LONRF2: variants seen among roughly 807,000 people sequenced by gnomAD.
LONRF2 encodes the protein LON peptidase N-terminal domain and RING finger protein 2.
Under a neutral mutation model 66.6 loss-of-function variants are expected in LONRF2, and 35 were observed. That is an observed-to-expected ratio of 0.53 (90% CI 0.40 to 0.70). The LOEUF (loss-of-function observed/expected upper bound fraction) is 0.70. Ranked by LOEUF, LONRF2 falls within the 30% of genes least tolerant of loss-of-function variation. The pLI is 0.00. For synonymous variants in LONRF2, 417 were observed against 418.1 expected, an observed-to-expected ratio of 1.00 and a Z score of 0.03; for missense variants, 902 against 1,002.1, an observed-to-expected ratio of 0.90 and a Z score of 1.35.
intron 6 of LONRF2, 43 bp from the exon 7 acceptor site, chr2:100,298,993 G>T: frequency 6.8e-7 from 1 of 1,463,524 alleles, no homozygotes; most frequent in Non-Finnish European, 9.6e-7. Context: ...GTCCAGGACA[G>T]ACTTTCAAAT....
In LONRF2 at chr2:100,275,713, G is replaced by A. The variant is rs1252983427; in HGVS notation, c.*8585C>T. ...TCCCACTCCCCTGAGACCTGCAGAA[G>A]CCCCTGAGCTACGTGAGCCTGTAAC... On this transcript the variant is annotated 3_prime_UTR_variant, in exon 12 of 12. Transcript: ENST00000393437. The A allele has an allele frequency of 6.6e-6, 1 of 152,130 alleles. No homozygotes were observed. Among genetic ancestry groups the A allele is most frequent in the Non-Finnish European group, 1.5e-5 (1 of 68,024 alleles). The allele number at this position is 152,130 out of a possible 1,614,324, so 9.4% of individuals were successfully genotyped here. A position where few individuals can be genotyped will look rare whatever the true frequency, so the allele number is the denominator to read the frequency against.
At position 100,304,623 on chromosome 2, in the gene LONRF2, C is replaced by T. The variant is rs530791698; in HGVS notation, c.799-1580G>A. 3.9e-3 allele frequency among the ~76,000 whole-genome samples: 363 copies of T among 92,350 alleles called. 4 individuals carry two copies. The highest frequency in any genetic ancestry group is 0.016 in the African/African-American group (343 of 21,576). The allele number at this position is 92,350 out of a possible 152,430, so 60.6% of individuals were successfully genotyped here. A position where few individuals can be genotyped will look rare whatever the true frequency, so the allele number is the denominator to read the frequency against. ...CCCACTCAGAGACAATTTTAGTTGA[C>T]TGTTTTTTTTTTTTTTTTGAGACAG... On this transcript the variant is annotated intron_variant, in intron 2 of 11. Transcript: ENST00000393437.
At chr2:100,295,616 A>T (rs1675050220) in intron 7 of LONRF2, 63 bp from the exon 8 acceptor site, 1 of 1,532,482 alleles carries the variant, frequency 6.5e-7, no homozygotes, top group Non-Finnish European at 8.8e-7. Flanking sequence ...GAAGCTTCCG[A>T]GTGGAAAGGT....
In LONRF2 at chr2:100,316,091, C is replaced by T. The variant is rs561178410; in HGVS notation, c.679+5324G>A. On this transcript the variant is annotated intron_variant, in intron 1 of 11. Coordinates refer to ENST00000393437, the MANE Select transcript of LONRF2 (RefSeq NM_198461.4). ...ATCCCAGCACTTTGGGAGGCAGAGGCGGGCAGATCACGAGGTCAGAGATCG... is the reference window on the plus strand; with the variant it reads ...ATCCCAGCACTTTGGGAGGCAGAGGTGGGCAGATCACGAGGTCAGAGATCG... Among the ~76,000 whole-genome samples the T allele has an allele frequency of 9.9e-5, 15 of 152,006 alleles. No individual in the cohort carries two copies. In the South Asian group the frequency reaches 1.7e-3, roughly 17 times the overall value.
intron 7 of LONRF2, among the ~76,000 whole-genome samples, chr2:100,298,108 C>G (rs1251883757): frequency 2.6e-5 from 4 of 152,114 alleles, no homozygotes; most frequent in African/African-American, 4.8e-5. Flanking sequence ...CTCCCCACCC[C>G]CTTAAGATGT....
intron 3 of LONRF2, 43 bp downstream of exon 3, chr2:100,302,878 T>C (rs375934102): frequency 1.7e-5 from 25 of 1,511,628 alleles, no homozygotes; most frequent in Non-Finnish European, 2.1e-5. Context: ...ATGAAGGCTA[T>C]AAATAAGACC....
chr2:100,285,385 T>A (rs972679246), intron 11 of LONRF2, among the ~76,000 whole-genome samples: 3 of 152,112 alleles, frequency 2.0e-5, no homozygotes, highest in Admixed American at 1.3e-4. Flanking sequence ...TTTATACAGA[T>A]TCACACTCTT....
intron 7 of LONRF2, among the ~76,000 whole-genome samples, 157 bp from the exon 8 acceptor site, chr2:100,295,710 G>A (rs1039453193): frequency 3.9e-5 from 6 of 152,196 alleles, no homozygotes; most frequent in Non-Finnish European, 8.8e-5. Flanking sequence ...TGTAACAAGA[G>A]CAGGGGCAGC....
chr2:100,306,654 C>A (rs1021983308), intron 2 of LONRF2, among the ~76,000 whole-genome samples: 2 of 152,090 alleles, frequency 1.3e-5, no homozygotes, highest in African/African-American at 4.8e-5. Flanking sequence ...CTTGAAAGGG[C>A]AGTTTTGCTT....
In LONRF2 at chr2:100,275,777, G is replaced by C. The variant is rs1446594518; in HGVS notation, c.*8521C>G. ...TGTGCCTGGGCACTCTGAACACCCT[G>C]CCTGTCAACATGCTGGGACCGCCTC... On this transcript the variant is annotated 3_prime_UTR_variant, in exon 12 of 12. Transcript: ENST00000393437. 3 of 152,082 alleles carry C rather than the reference G, an allele frequency of 2.0e-5. No homozygotes were observed. Among genetic ancestry groups the C allele is most frequent in the African/African-American group, 7.3e-5 (3 of 41,372 alleles). The allele number at this position is 152,082 out of a possible 1,614,324, so 9.4% of individuals were successfully genotyped here.
intron 2 of LONRF2, among the ~76,000 whole-genome samples, chr2:100,307,014 G>T (rs188400030): frequency 2.0e-5 from 3 of 150,222 alleles, no homozygotes; most frequent in Non-Finnish European, 4.4e-5. Context: ...TCCGCCTCCC[G>T]GGTTGACGCC....
Position 100,294,298 on chromosome 2 carries a change from A to G in LONRF2, c.1688T>C (p.Leu563Pro), listed in dbSNP as rs376347420. Residue 563 changes from leucine to proline, a missense_variant, in exon 9 of 12, where the codon CTT becomes CCT. Leu to Pro is a moderately conservative substitution (Grantham distance 98). This residue lies in a region of LONRF2 where 317 missense variants were observed against 432.2 expected (regional missense o/e 0.73). Coordinates refer to ENST00000393437, the MANE Select transcript of LONRF2 (RefSeq NM_198461.4). ...AGTTTCCATGCATCTTCTTATCATA[A>G]GCCGATAGCGGGGCTCAAAAACGTG... ...PLHVFEPRYR[L>P]MIRRCMETGT... 4 of 1,609,530 alleles carry G rather than the reference A, an allele frequency of 2.5e-6. No homozygotes were observed. The African/African-American group carries it at 5.4e-5, about 22-fold the overall frequency.
In LONRF2 at chr2:100,275,619, C is replaced by A. The variant is rs2105704922; in HGVS notation, c.*8679G>T. On this transcript the variant is annotated 3_prime_UTR_variant, in exon 12 of 12. Transcript: ENST00000393437. ...ACTCATTCCTCAATCCGGTGGGATG[C>A]AAAGGATCTATCCATAGAGACCAGT... The A allele has an allele frequency of 6.6e-6, 1 of 152,292 alleles. No homozygotes were observed. The highest frequency in any genetic ancestry group is 1.9e-4 in the East Asian group (1 of 5,176). 9.4% of individuals were successfully genotyped at this position (152,292 alleles called of 1,614,324 possible).
chr2:100,303,314 C>A (rs1448730561), intron 2 of LONRF2, among the ~76,000 whole-genome samples: 9 of 152,180 alleles, frequency 5.9e-5, no homozygotes, highest in Admixed American at 5.9e-4. Flanking sequence ...AAGGGACGTG[C>A]TAAGAGAAAA....
At chr2:100,290,554 T>A (rs1033446748) in intron 9 of LONRF2, 134 bp from the exon 10 acceptor site, 2 of 859,176 alleles carry the variant, frequency 2.3e-6, no homozygotes, top group Admixed American at 5.7e-5. Flanking sequence ...ACCAGCAAGG[T>A]TATTGTCGCT....
At chr2:100,297,987 GAAAA>G (rs59444581) in intron 7 of LONRF2, among the ~76,000 whole-genome samples, 2 of 151,194 alleles carry the variant, frequency 1.3e-5, no homozygotes, top group Non-Finnish European at 3.0e-5. Context: ...TTTGTAAAAA[GAAAA>G]AAAAACTTTA....
In LONRF2 at chr2:100,299,929, G is replaced by A. The variant is rs1226608826; in HGVS notation, c.1066-11C>T. On this transcript the variant is annotated splice_polypyrimidine_tract_variant and intron_variant, in intron 4 of 11. Transcript: ENST00000393437. ...TTTCTCAGATGAATTCTGGTTAAGT[G>A]GGAAAAAAAGGAATCCTGAGTATTA... The A allele has an allele frequency of 2.7e-6, 4 of 1,487,550 alleles. No homozygotes were observed. In the Admixed American group the frequency reaches 7.2e-5, roughly 27 times the overall value. The allele number at this position is 1,487,550 out of a possible 1,614,324, so 92.1% of individuals were successfully genotyped here. A position where few individuals can be genotyped will look rare whatever the true frequency, so the allele number is the denominator to read the frequency against.
At chr2:100,292,395 A>G (rs958944136) in intron 9 of LONRF2, among the ~76,000 whole-genome samples, 14 of 152,130 alleles carry the variant, frequency 9.2e-5, no homozygotes, top group African/African-American at 3.1e-4. Context: ...GTCATTAGCA[A>G]TTTGTTTAAA....
intron 3 of LONRF2, 21 bp from the exon 4 acceptor site, chr2:100,300,808 G>T: frequency 1.3e-6 from 2 of 1,544,724 alleles, no homozygotes; most frequent in Non-Finnish European, 1.7e-6. Flanking sequence ...GCCAAGAAAA[G>T]AAAAAATATA....
Sources: gnomAD v4.1 joint callset for allele counts (sites outside exome capture counted in the v4.1 genomes callset) on GRCh38, gnomAD v4.1.1 for gene constraint, gnomAD v4.1.1 regional missense constraint, MANE v1.5 for transcripts, NCBI Gene and HGNC (gene_info 2026-07-23, HGNC 2026-07-21) for gene names.